Variants in TSPAN7 observed in about 807,000 individuals in gnomAD.
TSPAN7 encodes tetraspanin-7.
TSPAN7 carries 1 observed loss-of-function variant against 17.6 expected under a neutral mutation model. That is an observed-to-expected ratio of 0.06 (90% CI 0.02 to 0.27). The LOEUF is 0.27. Ranked by LOEUF, TSPAN7 falls within the 10% of genes least tolerant of loss-of-function variation. The pLI is 1.00. For synonymous variants in TSPAN7, 78 were observed against 79.0 expected (o/e 0.99, Z 0.07); for missense variants, 112 against 201.7 (o/e 0.56, Z 2.69).
rs745878718 is a variant in TSPAN7 at position 38,671,443 on chromosome X, G to A, written c.338G>A (p.Arg113His). ...GCTGGCATTTCAGGGTTTGTGTTTC[G>A]TCATGAGGTGAGTATACACAAAATG... Reference protein sequence around the residue: ...LVAGISGFVFRHEIKDTFLRT... With the variant: ...LVAGISGFVFHHEIKDTFLRT... The change falls in exon 3 of 8, where the codon CGT (arginine) becomes CAT (histidine). Residue 113 changes from arginine (R) to histidine (H), a missense_variant. Coordinates refer to ENST00000378482, the MANE Select transcript of TSPAN7 (RefSeq NM_004615.4). 64 of 1,208,408 alleles carry A rather than the reference G, an allele frequency of 5.3e-5. No homozygotes were observed. The highest frequency in any genetic ancestry group is 3.2e-5 in the Non-Finnish European group (29 of 894,065).
intron 1 of TSPAN7, among the ~76,000 whole-genome samples, chrX:38,613,985 C>CTT (rs369995281): frequency 1.0e-5 from 1 of 96,374 alleles, no homozygotes; most frequent in South Asian, 4.9e-4. Context: ...TTTTTTTTTT[C>CTT]TTTTTTTTTT....
intron 1 of TSPAN7, chrX:38,566,324 C>T (rs2069143543): frequency 1.0e-6 from 1 of 955,455 alleles, no homozygotes; most frequent in African/African-American, 2.0e-5. Context: ...ATTTTCAGGT[C>T]TATAGAAGAG....
chrX:38,634,045 G>C (rs1022964197), intron 1 of TSPAN7, among the ~76,000 whole-genome samples: 8 of 112,016 alleles, frequency 7.1e-5, no homozygotes, highest in Non-Finnish European at 1.5e-4. Context: ...TGTTATTCTA[G>C]TTCATGGTGG....
chrX:38,674,618 G>A (rs2069841600), intron 4 of TSPAN7, among the ~76,000 whole-genome samples: 1 of 111,900 alleles, frequency 8.9e-6, no homozygotes, highest in Admixed American at 9.5e-5. Context: ...GTGAGTGTGT[G>A]ACAACCTTGC....
At chrX:38,667,355 G>A (rs1046433924) in intron 2 of TSPAN7, among the ~76,000 whole-genome samples, 2 of 112,412 alleles carry the variant, frequency 1.8e-5, no homozygotes, top group African/African-American at 6.5e-5. Flanking sequence ...GGATTTTATA[G>A]ATAAAAATTA....
intron 1 of TSPAN7, among the ~76,000 whole-genome samples, chrX:38,610,241 CTG>C (rs1212999985): frequency 9.0e-6 from 1 of 111,602 alleles, no homozygotes; most frequent in African/African-American, 3.3e-5. Context: ...GATAAGGAAA[CTG>C]AGGCACAGAG....
chrX:38,614,729 C>T (rs1447942031), intron 1 of TSPAN7, among the ~76,000 whole-genome samples: 3 of 112,190 alleles, frequency 2.7e-5, no homozygotes, highest in African/African-American at 6.5e-5. Context: ...ACTGTTGTGC[C>T]GTCTATCTGG....
At chrX:38,569,127 A>G (rs1438061450) in intron 1 of TSPAN7, among the ~76,000 whole-genome samples, 1 of 110,816 alleles carries the variant, frequency 9.0e-6, no homozygotes, top group Non-Finnish European at 1.9e-5. Flanking sequence ...CGTGTTTAAG[A>G]GGGGGCACTA....
intron 1 of TSPAN7, among the ~76,000 whole-genome samples, chrX:38,603,877 T>A (rs890854550): frequency 1.9e-5 from 2 of 107,011 alleles, no homozygotes; most frequent in Non-Finnish European, 3.9e-5. Context: ...ATTTTTTATT[T>A]TATTATTATT....
At chrX:38,613,896 C>T (rs986858265) in intron 1 of TSPAN7, among the ~76,000 whole-genome samples, 1 of 110,231 alleles carries the variant, frequency 9.1e-6, no homozygotes, top group Non-Finnish European at 1.9e-5. Flanking sequence ...AGCCTCTGCA[C>T]GTTTGAGACC....
intron 1 of TSPAN7, among the ~76,000 whole-genome samples, chrX:38,661,123 T>G (rs2069741740): frequency 1.8e-5 from 2 of 111,668 alleles, no homozygotes; most frequent in African/African-American, 3.3e-5. Context: ...TGCTACAAGA[T>G]CCACAGAGAG....
rs556589491 is a variant in TSPAN7, at chrX:38,566,128, C to T, written c.81+4501C>T. Among the ~76,000 whole-genome samples, 17 of 112,120 alleles carry T rather than the reference C, an allele frequency of 1.5e-4. No individual in the cohort carries two copies. The South Asian group carries it at 4.5e-3, about 29-fold the overall frequency. ...TTTGGAACCACCGTAGCAGAGCATG[C>T]GCAACACAATCACGTGAGAAGAAAA... On this transcript the variant is annotated intron_variant, in intron 1 of 7. Coordinates refer to ENST00000378482, the MANE Select transcript of TSPAN7 (RefSeq NM_004615.4).
intron 1 of TSPAN7, among the ~76,000 whole-genome samples, chrX:38,592,253 C>T (rs149342784): frequency 1.9e-3 from 215 of 111,502 alleles, no homozygotes; most frequent in African/African-American, 6.3e-3. Context: ...TATCTCTTCC[C>T]ACTCCAAATT....
At chrX:38,586,254 G>A (rs2069258124) in intron 1 of TSPAN7, among the ~76,000 whole-genome samples, 1 of 112,346 alleles carries the variant, frequency 8.9e-6, no homozygotes, top group African/African-American at 3.2e-5. Flanking sequence ...TCATTTATGT[G>A]TCTGATAAAG....
intron 1 of TSPAN7, among the ~76,000 whole-genome samples, chrX:38,641,905 T>C (rs1342111954): frequency 8.9e-6 from 1 of 112,047 alleles, no homozygotes; most frequent in Admixed American, 9.5e-5. Context: ...TCTCAGGCCT[T>C]ATGAAGCCTT....
chrX:38,624,595 G>A (rs776412713), intron 1 of TSPAN7, among the ~76,000 whole-genome samples: 3 of 112,426 alleles, frequency 2.7e-5, no homozygotes, highest in African/African-American at 9.7e-5. Flanking sequence ...ACATTGCCTA[G>A]AAATAGTAAC....
At chrX:38,621,145 C>G (rs964854136) in intron 1 of TSPAN7, among the ~76,000 whole-genome samples, 1 of 112,140 alleles carries the variant, frequency 8.9e-6, no homozygotes, top group African/African-American at 3.2e-5. Context: ...TAGATATCAG[C>G]AAGGATACCA....
intron 1 of TSPAN7, chrX:38,562,925 C>T (rs1325801153): frequency 2.2e-6 from 2 of 908,228 alleles, no homozygotes; most frequent in Non-Finnish European, 2.8e-6. Context: ...GCACCCCTCA[C>T]CCCCGCCCCT....
At chrX:38,624,249 GC>G (rs1162826746) in intron 1 of TSPAN7, among the ~76,000 whole-genome samples, 15 of 109,792 alleles carry the variant, frequency 1.4e-4, no homozygotes, top group African/African-American at 3.0e-4. Flanking sequence ...GTAAGCTATG[GC>G]CCCCCCACCA....
Sources: allele counts gnomAD v4.1 joint callset (sites outside exome capture counted in the v4.1 genomes callset), GRCh38; gene constraint gnomAD v4.1.1; transcripts MANE v1.5; gene names NCBI Gene and HGNC (gene_info 2026-07-23, HGNC 2026-07-21).